The following CDON variants were observed in gnomAD, a reference collection of about 807,000 sequenced individuals.
CDON encodes cell adhesion molecule-related/down-regulated by oncogenes.
Under a neutral mutation model 120.9 loss-of-function variants are expected in CDON, and 73 were observed. That is an observed-to-expected ratio of 0.60 (90% CI 0.50 to 0.73). The LOEUF (loss-of-function observed/expected upper bound fraction) is 0.73. Among genes scored for constraint, CDON ranks in the 30% least tolerant of loss-of-function variants. The pLI is 0.00. For missense variants in CDON, 1,470 were observed against 1,587.3 expected (o/e 0.93, Z 1.26); for synonymous variants, 566 against 573.5 (o/e 0.99, Z 0.19).
At chr11:126,009,916 C>A (rs1947241833) in intron 8 of CDON, among the ~76,000 whole-genome samples, 1 of 152,120 alleles carries the variant, frequency 6.6e-6, no homozygotes, top group African/African-American at 2.4e-5. Context: ...GGATAAGACA[C>A]AGGGAATATA....
At chr11:126,057,267 T>C (rs997619581) in intron 1 of CDON, among the ~76,000 whole-genome samples, 25 of 152,178 alleles carry the variant, frequency 1.6e-4, no homozygotes, top group Non-Finnish European at 3.1e-4. Flanking sequence ...GTGTATCCAA[T>C]GTGCCAATAA....
At chr11:126,038,806 A>G (rs550654180) in intron 1 of CDON, among the ~76,000 whole-genome samples, 8 of 152,220 alleles carry the variant, frequency 5.3e-5, no homozygotes, top group East Asian at 1.9e-4. Flanking sequence ...CCCTGCCAAC[A>G]TAAGTAAGTA....
At position 125,969,123 on chromosome 11, in the gene CDON, C is replaced by T. The variant is rs556643584; in HGVS notation, c.3357-7125G>A. Among the ~76,000 whole-genome samples, 5 of 152,274 alleles carry T rather than the reference C, an allele frequency of 3.3e-5. No homozygotes were observed. The South Asian group carries it at 8.3e-4, about 25-fold the overall frequency. ...AAGTGATTCTCCTGCCTCAGCCTCC[C>T]GAGTAGCTGGGATTACAGGCATGCG... On this transcript the variant is annotated intron_variant, in intron 18 of 19. Coordinates refer to ENST00000531738, the MANE Select transcript of CDON (RefSeq NM_001378964.1).
At chr11:126,061,923 GTCTA>G (rs751569136) in intron 1 of CDON, among the ~76,000 whole-genome samples, 1 of 152,200 alleles carries the variant, frequency 6.6e-6, no homozygotes, top group Non-Finnish European at 1.5e-5. Context: ...GGGCAAGAGA[GTCTA>G]TCTATCCCCC....
intron 1 of CDON, among the ~76,000 whole-genome samples, chr11:126,040,834 A>G: frequency 7.8e-6 from 1 of 127,680 alleles, no homozygotes; most frequent in Admixed American, 8.0e-5. Context: ...AAAAAAAAAA[A>G]AAAAAAAAAA....
At chr11:125,965,098 T>C (rs753203353) in intron 18 of CDON, among the ~76,000 whole-genome samples, 9 of 152,044 alleles carry the variant, frequency 5.9e-5, no homozygotes, top group Non-Finnish European at 1.0e-4. Flanking sequence ...AGCTAATTTT[T>C]TGTGTGTATT....
chr11:125,994,530 C>A lies in CDON; in HGVS notation c.2545-141G>T. 4.5e-6 allele frequency: 3 copies of A among 670,976 alleles called. 1 individual carries two copies. Among genetic ancestry groups the A allele is most frequent in the Non-Finnish European group, 8.0e-6 (3 of 375,292 alleles). 41.6% of individuals were successfully genotyped at this position (670,976 alleles called of 1,614,324 possible). On this transcript the variant is annotated intron_variant, in intron 13 of 19. Transcript: ENST00000531738. ...AATAATGGCCATTTTTAATTTACTTCAAAGGTATTAAAAGCATTTAGCTTA... is the reference window on the plus strand; with the variant it reads ...AATAATGGCCATTTTTAATTTACTTAAAAGGTATTAAAAGCATTTAGCTTA...
At chr11:126,015,570 C>T (rs1018903632) in intron 6 of CDON, 60 bp from the exon 7 acceptor site, 2 of 1,548,014 alleles carry the variant, frequency 1.3e-6, no homozygotes, top group African/African-American at 1.4e-5. Flanking sequence ...TAAATTATCA[C>T]TCGAGTGATA....
chr11:126,006,633 C>A (rs766982746), intron 8 of CDON, among the ~76,000 whole-genome samples: 2 of 152,128 alleles, frequency 1.3e-5, no homozygotes, highest in African/African-American at 4.8e-5. Context: ...CGTGCCACTG[C>A]ACTCCAGCCT....
chr11:125,962,038 A>C lies in CDON; in HGVS notation c.3357-40T>G, dbSNP rs759465225. ...CCAAAAGAAACAGAATTGTGTCTAG[A>C]GGAACCAATAATTAAAATAAGCCTA... On this transcript the variant is annotated intron_variant, in intron 18 of 19. Coordinates refer to ENST00000531738, the MANE Select transcript of CDON (RefSeq NM_001378964.1). The C allele has an allele frequency of 2.0e-6, 3 of 1,466,604 alleles. No homozygotes were observed. In the South Asian group the frequency reaches 3.4e-5, roughly 17 times the overall value. The allele number at this position is 1,466,604 out of a possible 1,614,324, so 90.8% of individuals were successfully genotyped here.
chr11:126,002,219 TAA>T (rs1453233253), intron 10 of CDON, among the ~76,000 whole-genome samples: 3 of 152,232 alleles, frequency 2.0e-5, no homozygotes, highest in Non-Finnish European at 4.4e-5. Flanking sequence ...GAGCTTCTGC[TAA>T]GTTTTCTAAG....
Position 125,974,585 on chromosome 11 carries a change from G to A in CDON, c.3356+3719C>T, listed in dbSNP as rs1369351227. Among the ~76,000 whole-genome samples the A allele has an allele frequency of 2.1e-5, 3 of 144,832 alleles. No individual in the cohort carries two copies. In the East Asian group the frequency reaches 6.2e-4, roughly 30 times the overall value. On this transcript the variant is annotated intron_variant, in intron 18 of 19. Transcript: ENST00000531738. Reference sequence around the variant, plus strand: ...TAATCACTTTAAATACATAATAAAAGCAAATAAATGCATCAAATAATTAAA... The same window carrying A: ...TAATCACTTTAAATACATAATAAAAACAAATAAATGCATCAAATAATTAAA...
chr11:126,001,946 T>C (rs1946959506), intron 10 of CDON, 96 bp from the exon 11 acceptor site: 5 of 900,454 alleles, frequency 5.6e-6, no homozygotes, highest in Middle Eastern at 2.3e-4. Flanking sequence ...TATGTGGTTA[T>C]AAATTTATGA....
chr11:126,015,524 A>T lies in CDON; in HGVS notation c.929-14T>A. Reference sequence around the variant, plus strand: ...TGGAAGCATGTTCTGAAAATAAAACACACAAATTAAACTCTAGCCCTCAAA... The same window carrying T: ...TGGAAGCATGTTCTGAAAATAAAACTCACAAATTAAACTCTAGCCCTCAAA... On this transcript the variant is annotated splice_polypyrimidine_tract_variant and intron_variant, in intron 6 of 19. Transcript: ENST00000531738. 6.2e-7 allele frequency: 1 copy of T among 1,613,046 alleles called. No homozygotes were observed. Among genetic ancestry groups the T allele is most frequent in the Non-Finnish European group, 8.5e-7 (1 of 1,179,236 alleles).
chr11:126,024,642 C>A (rs1278670244), intron 1 of CDON, among the ~76,000 whole-genome samples: 1 of 152,164 alleles, frequency 6.6e-6, no homozygotes, highest in African/African-American at 2.4e-5. Context: ...ATTAGACATC[C>A]AACTACTACT....
chr11:125,973,018 CTTTTTTTTT>C (rs35828939), intron 18 of CDON, among the ~76,000 whole-genome samples: 9 of 87,036 alleles, frequency 1.0e-4, no homozygotes, highest in Middle Eastern at 9.4e-3. Context: ...ATTACTTGGT[CTTTTTTTTT>C]TTTTTTTTTT....
At chr11:126,042,441 AC>A (rs1051077725) in intron 1 of CDON, among the ~76,000 whole-genome samples, 1 of 152,032 alleles carries the variant, frequency 6.6e-6, no homozygotes, top group African/African-American at 2.4e-5. Context: ...AATCTAATCC[AC>A]CCCAGCCTCT....
intron 1 of CDON, among the ~76,000 whole-genome samples, chr11:126,026,673 C>A (rs867323953): frequency 2.3e-4 from 35 of 152,322 alleles, no homozygotes; most frequent in Middle Eastern, 3.4e-3. Flanking sequence ...TGCTGACCTC[C>A]TTTAAAAAGT....
chr11:126,000,669 C>T (rs1216574112), intron 11 of CDON, among the ~76,000 whole-genome samples: 1 of 152,208 alleles, frequency 6.6e-6, no homozygotes, highest in Non-Finnish European at 1.5e-5. Context: ...TATACGTAAT[C>T]TGCTTAAGGT....
Sources: allele counts gnomAD v4.1 joint callset (sites outside exome capture counted in the v4.1 genomes callset), GRCh38; gene constraint gnomAD v4.1.1; transcripts MANE v1.5; gene names NCBI Gene and HGNC (gene_info 2026-07-23, HGNC 2026-07-21).